Variants in ST6GAL1 observed in about 807,000 individuals in gnomAD.
The protein encoded by ST6GAL1 is ST6 beta-galactoside alpha-2,6-sialyltransferase 1.
In ST6GAL1, 20 loss-of-function variants were observed where a neutral mutation model predicts 38.0. That is an observed-to-expected ratio of 0.53 (90% CI 0.37 to 0.77). The LOEUF is 0.77. ST6GAL1 is among the 30% of genes least tolerant of loss of function. ST6GAL1 has a pLI of 0.00. For synonymous variants in ST6GAL1, 196 were observed against 188.2 expected, an observed-to-expected ratio of 1.04 and a Z score of -0.34; for missense variants, 432 against 496.4, an observed-to-expected ratio of 0.87 and a Z score of 1.23.
chr3:187,009,050 A>T (rs1015274055), intron 2 of ST6GAL1, among the ~76,000 whole-genome samples: 1 of 151,884 alleles, frequency 6.6e-6, no homozygotes, highest in Non-Finnish European at 1.5e-5. Flanking sequence ...TAATGCTTTG[A>T]TTCTATTTGT....
intron 2 of ST6GAL1, among the ~76,000 whole-genome samples, chr3:186,975,486 T>C (rs542905946): frequency 6.6e-6 from 1 of 152,228 alleles, no homozygotes; most frequent in South Asian, 2.1e-4. Context: ...TGCCAGGTGA[T>C]GGGGAGTGAT....
chr3:187,077,494 G>A lies in ST6GAL1; in HGVS notation c.*1691G>A, dbSNP rs1199639376. ...CTCCTCATTTACTGCCAAACCCTCAGCTTATGTAGCTAGAAAGGGCCCTGG... is the reference window on the plus strand; with the variant it reads ...CTCCTCATTTACTGCCAAACCCTCAACTTATGTAGCTAGAAAGGGCCCTGG... On this transcript the variant is annotated 3_prime_UTR_variant, in exon 8 of 8. Coordinates refer to ENST00000169298, the MANE Select transcript of ST6GAL1 (RefSeq NM_173216.2). The A allele has an allele frequency of 6.6e-6, 1 of 152,474 alleles. No individual in the cohort carries two copies. The highest frequency in any genetic ancestry group is 6.5e-5 in the Admixed American group (1 of 15,290). 9.4% of individuals were successfully genotyped at this position (152,474 alleles called of 1,614,324 possible).
rs147266974 is a variant in ST6GAL1 at position 187,076,684 on chromosome 3, A to T, written c.*881A>T. 2.7e-3 allele frequency: 1,059 copies of T among 397,290 alleles called. 4 individuals are homozygous for T. The highest frequency in any genetic ancestry group is 3.9e-3 in the Non-Finnish European group (870 of 225,788). The allele number at this position is 397,290 out of a possible 1,614,324, so 24.6% of individuals were successfully genotyped here. On this transcript the variant is annotated 3_prime_UTR_variant, in exon 8 of 8. Transcript: ENST00000169298. The stretch of plus-strand genomic sequence containing the variant: ...TGAGTCTTAGAGGAAGAGAAGAAAC[A>T]TGGCAAGCAGATTACATCTGAGCCG...
chr3:187,068,364 T>G (rs1348998799), intron 5 of ST6GAL1, among the ~76,000 whole-genome samples: 2 of 147,960 alleles, frequency 1.4e-5, no homozygotes, highest in African/African-American at 2.5e-5. Context: ...AAAAAAGAAG[T>G]GTGGTCTCTG....
intron 2 of ST6GAL1, among the ~76,000 whole-genome samples, chr3:187,015,624 G>A (rs1717089746): frequency 6.6e-6 from 1 of 152,142 alleles, no homozygotes; most frequent in Non-Finnish European, 1.5e-5. Context: ...GACTGGTTGA[G>A]CCCAGGGGGT....
intron 1 of ST6GAL1, among the ~76,000 whole-genome samples, chr3:186,941,076 G>T (rs1714155193): frequency 1.3e-5 from 2 of 152,134 alleles, no homozygotes; most frequent in Non-Finnish European, 2.9e-5. Flanking sequence ...TTGCATGGAA[G>T]GTTATTTTTG....
At chr3:187,039,324 T>C (rs1264549688) in intron 3 of ST6GAL1, among the ~76,000 whole-genome samples, 2 of 152,190 alleles carry the variant, frequency 1.3e-5, no homozygotes, top group African/African-American at 4.8e-5. Context: ...TCTGATACAA[T>C]TGCATCAGTT....
chr3:186,979,477 C>G (rs983289330), intron 2 of ST6GAL1, among the ~76,000 whole-genome samples: 1 of 152,074 alleles, frequency 6.6e-6, no homozygotes, highest in East Asian at 1.9e-4. Context: ...TTGGGCAGAC[C>G]TGGAGAAAAA....
At chr3:187,003,123 C>T (rs190855721) in intron 2 of ST6GAL1, among the ~76,000 whole-genome samples, 107 of 152,304 alleles carry the variant, frequency 7.0e-4, no homozygotes, top group Middle Eastern at 3.4e-3. Context: ...GCCAGTTGGC[C>T]TAAGGCCTTT....
chr3:187,005,278 T>C (rs1323618138), intron 2 of ST6GAL1, among the ~76,000 whole-genome samples: 3 of 142,178 alleles, frequency 2.1e-5, no homozygotes, highest in African/African-American at 5.1e-5. Context: ...TCTTTTTTTT[T>C]TTTTTTTTTT....
intron 2 of ST6GAL1, among the ~76,000 whole-genome samples, chr3:187,016,913 C>T (rs1289869222): frequency 1.3e-5 from 2 of 152,188 alleles, no homozygotes; most frequent in African/African-American, 2.4e-5. Context: ...GTGAAAGGCC[C>T]ACCTCAATGC....
At chr3:187,012,546 G>A (rs747852680) in intron 2 of ST6GAL1, among the ~76,000 whole-genome samples, 1 of 152,084 alleles carries the variant, frequency 6.6e-6, no homozygotes. Flanking sequence ...GAGCCACCTC[G>A]CCCAGCTGCA....
intron 2 of ST6GAL1, among the ~76,000 whole-genome samples, chr3:187,013,037 G>A (rs1389321952): frequency 1.3e-5 from 2 of 152,200 alleles, no homozygotes. Context: ...ACAATGTTGT[G>A]TTTTCATCTT....
chr3:186,966,837 C>T (rs1031604212), intron 2 of ST6GAL1, among the ~76,000 whole-genome samples: 5 of 152,142 alleles, frequency 3.3e-5, no homozygotes, highest in Non-Finnish European at 7.4e-5. Flanking sequence ...AACTGTTTCC[C>T]GGGGAGCGCA....
chr3:187,030,983 A>G (rs374990521), intron 2 of ST6GAL1, among the ~76,000 whole-genome samples: 2 of 152,056 alleles, frequency 1.3e-5, no homozygotes, highest in African/African-American at 4.8e-5. Flanking sequence ...GGCAGTGGGG[A>G]GGGATGGTGT....
chr3:186,965,858 A>G (rs1055661432), intron 2 of ST6GAL1, among the ~76,000 whole-genome samples: 1 of 152,214 alleles, frequency 6.6e-6, no homozygotes, highest in Non-Finnish European at 1.5e-5. Context: ...ACTTAAGGCC[A>G]TCAGAGGCCT....
chr3:187,075,844 T>C lies in ST6GAL1; in HGVS notation c.*41T>C. On this transcript the variant is annotated 3_prime_UTR_variant, in exon 8 of 8. Transcript: ENST00000169298. The surrounding 1 kb of genome is among the most constrained non-coding windows in gnomAD (Gnocchi z 4.1). ...TCTTCTCCATCAGGCATTAAATGAA[T>C]GGTCTCTTGGCCACCCCAGCCTGGG... 1 of 1,607,746 alleles carries C rather than the reference T, an allele frequency of 6.2e-7. No individual in the cohort carries two copies. The highest frequency in any genetic ancestry group is 8.5e-7 in the Non-Finnish European group (1 of 1,175,340).
At chr3:187,014,722 ATCT>A (rs1173345476) in intron 2 of ST6GAL1, among the ~76,000 whole-genome samples, 1 of 152,232 alleles carries the variant, frequency 6.6e-6, no homozygotes, top group Non-Finnish European at 1.5e-5. Flanking sequence ...CGGTTCCTTC[ATCT>A]ATAAAATGTT....
intron 5 of ST6GAL1, among the ~76,000 whole-genome samples, chr3:187,068,768 T>C (rs1560184563): frequency 6.6e-6 from 1 of 152,230 alleles, no homozygotes; most frequent in Non-Finnish European, 1.5e-5. Flanking sequence ...CTATTCCTCA[T>C]GAGTATGTAT....
Sources: allele counts gnomAD v4.1 joint callset (sites outside exome capture counted in the v4.1 genomes callset), GRCh38; gene constraint gnomAD v4.1.1; non-coding constraint Gnocchi (gnomAD v3.1); transcripts MANE v1.5; gene names NCBI Gene and HGNC (gene_info 2026-07-23, HGNC 2026-07-21).